EHMT1: variants seen among roughly 807,000 people sequenced by gnomAD.
EHMT1 encodes euchromatic histone lysine methyltransferase 1.
In EHMT1, 15 loss-of-function variants were observed where a neutral mutation model predicts 147.2. That is an observed-to-expected ratio of 0.10 (90% CI 0.07 to 0.16). The LOEUF (loss-of-function observed/expected upper bound fraction) is 0.16. Among genes scored for constraint, EHMT1 ranks in the 10% least tolerant of loss-of-function variants. EHMT1 has a pLI of 1.00. For synonymous variants in EHMT1, 795 were observed against 709.6 expected, an observed-to-expected ratio of 1.12 and a Z score of -1.91; for missense variants, 1,587 against 1,772.4, an observed-to-expected ratio of 0.90 and a Z score of 1.88.
chr9:137,723,484 T>C (rs1435441997), intron 3 of EHMT1, among the ~76,000 whole-genome samples: 14 of 130,624 alleles, frequency 1.1e-4, no homozygotes, highest in African/African-American at 3.0e-4. Context: ...CCGGGGTGTG[T>C]CTGTGTCTGT....
In EHMT1 at chr9:137,775,941, G is replaced by A. The variant is rs1020286548; in HGVS notation, c.1792-677G>A. Among the ~76,000 whole-genome samples, 12 of 151,994 alleles carry A rather than the reference G, an allele frequency of 7.9e-5. No homozygotes were observed. The highest frequency in any genetic ancestry group is 2.4e-4 in the African/African-American group (10 of 41,370). ...TCTGTGTGAGCCTCTGCCTGTAAGC[G>A]TCTGTCTGTGTGCGCCTGTGTGTGT... On this transcript the variant is annotated intron_variant, in intron 11 of 26. Coordinates refer to ENST00000460843, the MANE Select transcript of EHMT1 (RefSeq NM_024757.5). The surrounding 1 kb of genome is among the most constrained non-coding windows in gnomAD (Gnocchi z 6.1).
intron 18 of EHMT1, among the ~76,000 whole-genome samples, chr9:137,804,010 G>A (rs1415320546): frequency 2.0e-5 from 3 of 152,038 alleles, no homozygotes; most frequent in Admixed American, 6.6e-5. Flanking sequence ...GGGGGTCCTC[G>A]GGAAACTTAA....
At position 137,694,458 on chromosome 9, in the gene EHMT1, C is replaced by T. The variant is rs117809617; in HGVS notation, c.22-16509C>T. Among the ~76,000 whole-genome samples, 38 of 152,270 alleles carry T rather than the reference C, an allele frequency of 2.5e-4. No individual in the cohort carries two copies. In the East Asian group the frequency reaches 4.8e-3, roughly 19 times the overall value. On this transcript the variant is annotated intron_variant, in intron 1 of 26. Transcript: ENST00000460843. ...CGCAGGACGCTGGGACTGGAGGAGG[C>T]GCACAGCTGAGGCCGGCTCCGTGCC...
intron 4 of EHMT1, among the ~76,000 whole-genome samples, chr9:137,741,294 C>T (rs1253732564): frequency 1.3e-5 from 2 of 152,100 alleles, no homozygotes; most frequent in Non-Finnish European, 2.9e-5. Context: ...GATTCTTAAG[C>T]ACATGAAATG....
At position 137,820,774 on chromosome 9, in the gene EHMT1, C is replaced by T. The variant is rs1057069725; in HGVS notation, c.3540+2636C>T. 2.6e-5 allele frequency among the ~76,000 whole-genome samples: 4 copies of T among 152,204 alleles called. No homozygotes were observed. The South Asian group carries it at 6.2e-4, about 24-fold the overall frequency. ...GGCTCTTGTCATAGCTCAGTGTCCT[C>T]GTCCTATCAATCAGTCTGCTGACTG... On this transcript the variant is annotated intron_variant, in intron 25 of 26. Transcript: ENST00000460843.
chr9:137,823,415 A>AT (rs34191568), intron 25 of EHMT1: 3,784 of 324,818 alleles, frequency 0.012, no homozygotes, highest in Admixed American at 0.021. Flanking sequence ...CGCCTGGGTA[A>AT]TTTTTTTTTT....
chr9:137,752,947 G>T lies in EHMT1; in HGVS notation c.1248+539G>T, dbSNP rs1241141183. On this transcript the variant is annotated intron_variant, in intron 7 of 26. Transcript: ENST00000460843. Reference sequence around the variant, plus strand: ...TGGTGGTGAGGACTGGAGGGAAGAGGGGTTCTGCTCCGTCCCTACTGAAGC... The same window carrying T: ...TGGTGGTGAGGACTGGAGGGAAGAGTGGTTCTGCTCCGTCCCTACTGAAGC... Among the ~76,000 whole-genome samples, 3 of 152,182 alleles carry T rather than the reference G, an allele frequency of 2.0e-5. No homozygotes were observed. The East Asian group carries it at 5.8e-4, about 29-fold the overall frequency.
chr9:137,621,353 A>G (rs1301601798), intron 1 of EHMT1, among the ~76,000 whole-genome samples: 1 of 152,198 alleles, frequency 6.6e-6, no homozygotes, highest in African/African-American at 2.4e-5. Flanking sequence ...AAACTTATCT[A>G]ACTTCATTTC....
chr9:137,790,827 C>T, intron 15 of EHMT1, 21 bp from the exon 16 acceptor site: 1 of 1,614,212 alleles, frequency 6.2e-7, no homozygotes, highest in Non-Finnish European at 8.5e-7. Context: ...CTCCCATACA[C>T]CTGAACTGTT....
intron 6 of EHMT1, among the ~76,000 whole-genome samples, chr9:137,751,855 A>G (rs1462166004): frequency 1.3e-5 from 2 of 152,176 alleles, no homozygotes; most frequent in African/African-American, 4.8e-5. Flanking sequence ...GGTGGCTCCG[A>G]GGATTGGACT....
At chr9:137,749,548 C>G (rs1043744962) in intron 6 of EHMT1, among the ~76,000 whole-genome samples, 3 of 152,140 alleles carry the variant, frequency 2.0e-5, no homozygotes, top group African/African-American at 7.2e-5. Context: ...GATCAACCTG[C>G]CTTGGCTTCC....
intron 1 of EHMT1, among the ~76,000 whole-genome samples, chr9:137,625,300 A>G (rs907489041): frequency 2.6e-5 from 4 of 152,166 alleles, no homozygotes; most frequent in Non-Finnish European, 5.9e-5. Context: ...TTTGTTATGT[A>G]TTATGCAGGT....
At chr9:137,709,499 A>T (rs1158981830) in intron 1 of EHMT1, among the ~76,000 whole-genome samples, 1 of 152,100 alleles carries the variant, frequency 6.6e-6, no homozygotes, top group Non-Finnish European at 1.5e-5. Context: ...GTCAGCCCAG[A>T]AGGCAGCGAG....
rs375225963 is a variant in EHMT1, at chr9:137,688,173, G to C, written c.22-22794G>C. On this transcript the variant is annotated intron_variant, in intron 1 of 26. Coordinates refer to ENST00000460843, the MANE Select transcript of EHMT1 (RefSeq NM_024757.5). ...CAAGTAACTGGGATTACAAGCATGC[G>C]CCACCACGCCTGGCTAATTTTTGTA... Among the ~76,000 whole-genome samples, 18 of 152,152 alleles carry C rather than the reference G, an allele frequency of 1.2e-4. No individual in the cohort carries two copies. The East Asian group carries it at 3.3e-3, about 28-fold the overall frequency.
chr9:137,704,827 G>T (rs1944123839), intron 1 of EHMT1, among the ~76,000 whole-genome samples: 3 of 106,386 alleles, frequency 2.8e-5, no homozygotes, highest in Admixed American at 2.9e-4. Context: ...TTTTCTTCCT[G>T]CCTTCTTTCT....
intron 25 of EHMT1, among the ~76,000 whole-genome samples, chr9:137,831,823 G>A (rs1356680638): frequency 6.6e-6 from 1 of 152,216 alleles, no homozygotes; most frequent in East Asian, 1.9e-4. Context: ...CTTCTGCGTG[G>A]GCCTTGTTTC....
At chr9:137,692,642 C>G (rs1401417118) in intron 1 of EHMT1, among the ~76,000 whole-genome samples, 1 of 152,082 alleles carries the variant, frequency 6.6e-6, no homozygotes, top group African/African-American at 2.4e-5. Flanking sequence ...TGAGAAAACT[C>G]TCTTTTAGAC....
At chr9:137,746,501 T>G (rs1290538946) in intron 6 of EHMT1, 3 of 152,244 alleles carry the variant, frequency 2.0e-5, no homozygotes, top group Non-Finnish European at 4.4e-5. Context: ...GTGTTCTAAT[T>G]ATGATAAAAA....
At chr9:137,755,892 T>A (rs2136239880) in intron 8 of EHMT1, among the ~76,000 whole-genome samples, 2 of 152,364 alleles carry the variant, frequency 1.3e-5, no homozygotes, top group Middle Eastern at 3.4e-3. Context: ...TTTTAAAATC[T>A]GGTTGTTTTT....
Sources: gnomAD v4.1 joint callset for allele counts (sites outside exome capture counted in the v4.1 genomes callset) on GRCh38, gnomAD v4.1.1 for gene constraint, Gnocchi (gnomAD v3.1) non-coding constraint, MANE v1.5 for transcripts, NCBI Gene and HGNC (gene_info 2026-07-23, HGNC 2026-07-21) for gene names.